The following SCAF4 variants were observed in gnomAD, a reference collection of about 807,000 sequenced individuals.
SCAF4 encodes SR-related and CTD-associated factor 4.
In SCAF4, 25 loss-of-function variants were observed where a neutral mutation model predicts 129.8. That is an observed-to-expected ratio of 0.19 (90% CI 0.14 to 0.27). The LOEUF is 0.27. Ranked by LOEUF, SCAF4 falls within the 10% of genes least tolerant of loss-of-function variation. The pLI, the probability that SCAF4 is intolerant of heterozygous loss-of-function variation, is 1.00. For missense variants in SCAF4, 1,246 were observed against 1,457.1 expected, an observed-to-expected ratio of 0.86 and a Z score of 2.36; for synonymous variants, 551 against 497.7, an observed-to-expected ratio of 1.11 and a Z score of -1.43.
intron 1 of SCAF4, among the ~76,000 whole-genome samples, chr21:31,717,870 C>T (rs200522933): frequency 0.17 from 20,793 of 124,470 alleles, 2,156 homozygotes; most frequent in East Asian, 0.47. Context: ...CACACACACA[C>T]ATATACACAT....
rs1296720570 is a variant in SCAF4 at position 31,690,069 on chromosome 21, C to T, written c.1885+728G>A. On this transcript the variant is annotated intron_variant, in intron 15 of 19. Coordinates refer to ENST00000286835, the MANE Select transcript of SCAF4 (RefSeq NM_020706.2). ...TCCCCCCTGCAATCTCACTGTCAAT[C>T]TGGCATTTTAAATATTTATGCCCAC... Among the ~76,000 whole-genome samples, 3 of 152,222 alleles carry T rather than the reference C, an allele frequency of 2.0e-5. No homozygotes were observed. The East Asian group carries it at 5.8e-4, about 29-fold the overall frequency.
chr21:31,672,227 C>T lies in SCAF4; in HGVS notation c.2616G>A (p.Arg872=). The T allele has an allele frequency of 6.2e-7, 1 of 1,610,964 alleles. No homozygotes were observed. Among genetic ancestry groups the T allele is most frequent in the South Asian group, 1.1e-5 (1 of 90,734 alleles). The change falls in exon 20 of 20, where the codon CGG becomes CGA. Residue 872 remains arginine (R), a synonymous_variant. Transcript: ENST00000286835. ...PPGMPPPHLQ[R]FPLMPPRPMP... is the part of the protein sequence containing the mutation. The stretch of plus-strand genomic sequence containing the variant: ...TGGGACGGGGCGGCATCAAAGGGAA[C>T]CGCTGTAAGTGAGGTGGGGGCATTC...
chr21:31,683,847 T>C (rs966174822), intron 19 of SCAF4: 4 of 152,556 alleles, frequency 2.6e-5, no homozygotes, highest in African/African-American at 9.7e-5. Context: ...TTTCCATCAT[T>C]ATGGTAACTA....
At position 31,731,801 on chromosome 21, in the gene SCAF4, C is replaced by G; in HGVS notation, c.-109G>C. On this transcript the variant is annotated 5_prime_UTR_variant, in exon 1 of 20. Coordinates refer to ENST00000286835, the MANE Select transcript of SCAF4 (RefSeq NM_020706.2). Reference sequence around the variant, plus strand: ...GGGCCTGGTGGCCGGGGGGAGGCGACGAGCGGCGGAGTCCGAGGCCCGGGC... The same window carrying G: ...GGGCCTGGTGGCCGGGGGGAGGCGAGGAGCGGCGGAGTCCGAGGCCCGGGC... The G allele has an allele frequency of 7.7e-7, 1 of 1,292,834 alleles. No individual in the cohort carries two copies. The highest frequency in any genetic ancestry group is 1.0e-6 in the Non-Finnish European group (1 of 985,664). The allele number at this position is 1,292,834 out of a possible 1,614,324, so 80.1% of individuals were successfully genotyped here. A position where few individuals can be genotyped will look rare whatever the true frequency, so the allele number is the denominator to read the frequency against.
chr21:31,688,413 C>T lies in SCAF4; in HGVS notation c.1937G>A (p.Gly646Asp), dbSNP rs138768557. The change falls in exon 16 of 20, where the codon GGT becomes GAT. Residue 646 changes from glycine (G) to aspartate (D), a missense_variant. Transcript: ENST00000286835. The stretch of plus-strand genomic sequence containing the variant: ...TGGTTCTGTGTGTGAGGTTTCAGCA[C>T]CTCCATTTTGAGCAACTTCATTTTC... ...KPENEVAQNG[G>D]AETSHTEPVS... The T allele has an allele frequency of 2.5e-6, 4 of 1,613,830 alleles. No individual in the cohort carries two copies. Among genetic ancestry groups the T allele is most frequent in the Non-Finnish European group, 3.4e-6 (4 of 1,179,982 alleles).
intron 4 of SCAF4, among the ~76,000 whole-genome samples, chr21:31,702,603 A>G (rs2050561613): frequency 6.6e-6 from 1 of 152,188 alleles, no homozygotes; most frequent in Non-Finnish European, 1.5e-5. Flanking sequence ...CTATAGACCC[A>G]GACAATAAAA....
At chr21:31,693,529 A>C (rs776377501) in intron 11 of SCAF4, 45 bp from the exon 12 acceptor site, 1 of 1,288,632 alleles carries the variant, frequency 7.8e-7, no homozygotes, top group South Asian at 2.1e-5. Context: ...TATAGACAAA[A>C]ACCAGAAAAT....
At chr21:31,683,851 G>C (rs192341748) in intron 19 of SCAF4, 39 of 152,516 alleles carry the variant, frequency 2.6e-4, no homozygotes, top group African/African-American at 9.2e-4. Flanking sequence ...CATCATTATG[G>C]TAACTACACT....
chr21:31,720,167 T>C (rs2051036056), intron 1 of SCAF4, among the ~76,000 whole-genome samples: 1 of 152,206 alleles, frequency 6.6e-6, no homozygotes, highest in African/African-American at 2.4e-5. Flanking sequence ...TTTTGTGAAT[T>C]AAACACTTCT....
chr21:31,700,144 T>C (rs747974728), intron 7 of SCAF4, among the ~76,000 whole-genome samples: 5 of 151,314 alleles, frequency 3.3e-5, no homozygotes, highest in Non-Finnish European at 7.4e-5. Flanking sequence ...AACCCTCATA[T>C]TATATATATG....
chr21:31,726,101 A>G (rs2051196467), intron 1 of SCAF4, among the ~76,000 whole-genome samples: 1 of 150,460 alleles, frequency 6.6e-6, no homozygotes, highest in Non-Finnish European at 1.5e-5. Flanking sequence ...GCTGGAGTGC[A>G]GTGGCGCGAT....
chr21:31,674,247 T>C (rs1359493196), intron 19 of SCAF4, among the ~76,000 whole-genome samples: 1 of 151,606 alleles, frequency 6.6e-6, no homozygotes, highest in African/African-American at 2.4e-5. Flanking sequence ...ACAGCATTCA[T>C]TTGAGGGTAT....
intron 1 of SCAF4, among the ~76,000 whole-genome samples, chr21:31,725,783 G>C (rs972183891): frequency 6.6e-6 from 1 of 152,208 alleles, no homozygotes; most frequent in Non-Finnish European, 1.5e-5. Flanking sequence ...GAATGAAAAA[G>C]TGGAATGAGG....
intron 19 of SCAF4, among the ~76,000 whole-genome samples, chr21:31,682,469 A>G (rs2050019693): frequency 1.3e-5 from 2 of 152,182 alleles, no homozygotes. Flanking sequence ...ATTGCAAAAG[A>G]TATTCTTCTC....
intron 16 of SCAF4, among the ~76,000 whole-genome samples, chr21:31,688,024 G>T (rs887276359): frequency 1.4e-5 from 2 of 145,688 alleles, no homozygotes; most frequent in Non-Finnish European, 1.5e-5. Context: ...GCTGAGGCAA[G>T]AGGGTCGGCT....
At chr21:31,700,449 T>G (rs1164683917) in intron 7 of SCAF4, among the ~76,000 whole-genome samples, 1 of 151,902 alleles carries the variant, frequency 6.6e-6, no homozygotes, top group South Asian at 2.1e-4. Context: ...AATTTGAATG[T>G]CTATTAGTAG....
chr21:31,685,539 A>G lies in SCAF4; in HGVS notation c.2209+29T>C, dbSNP rs142985392. ...GCTGTATCACTCCATCGCAGGCTCT[A>G]AAGTATGTTCACAGACAATTTAGTG... On this transcript the variant is annotated intron_variant, in intron 17 of 19. Transcript: ENST00000286835. 7.3e-4 allele frequency: 1,185 copies of G among 1,614,058 alleles called. 13 individuals are homozygous for G. In the African/African-American group the frequency reaches 0.014, roughly 19 times the overall value.
intron 19 of SCAF4, among the ~76,000 whole-genome samples, chr21:31,679,302 C>A (rs1442934721): frequency 6.6e-6 from 1 of 152,048 alleles, no homozygotes; most frequent in Non-Finnish European, 1.5e-5. Context: ...TCATCTCTTT[C>A]ATCAATACCT....
chr21:31,696,011 C>A, intron 9 of SCAF4, 102 bp downstream of exon 9: 2 of 677,532 alleles, frequency 3.0e-6, no homozygotes, highest in South Asian at 3.1e-5. Context: ...AGATATAGTA[C>A]GACTTAGCCA....
Sources: allele counts gnomAD v4.1 joint callset (sites outside exome capture counted in the v4.1 genomes callset), GRCh38; gene constraint gnomAD v4.1.1; transcripts MANE v1.5; gene names NCBI Gene and HGNC (gene_info 2026-07-23, HGNC 2026-07-21).